TBC1D9: variants seen among roughly 807,000 people sequenced by gnomAD.
TBC1D9 encodes TBC1 domain family member 9A.
TBC1D9 carries 63 observed loss-of-function variants against 132.0 expected under a neutral mutation model. That is an observed-to-expected ratio of 0.48 (90% CI 0.39 to 0.59). The LOEUF (loss-of-function observed/expected upper bound fraction) is 0.59, where lower values mean the gene tolerates loss of function less well. Among genes scored for constraint, TBC1D9 ranks in the 20% least tolerant of loss-of-function variants. TBC1D9 has a pLI of 0.00. For synonymous variants in TBC1D9, 610 were observed against 609.9 expected (o/e 1.00, Z 0.00); for missense variants, 1,261 against 1,592.7 (o/e 0.79, Z 3.54).
intron 17 of TBC1D9, 30 bp from the exon 18 acceptor site, chr4:140,627,557 AT>A: frequency 1.5e-6 from 2 of 1,347,372 alleles, no homozygotes. Context: ...TAGTTCTCAT[AT>A]TGGTAGGGCC....
intron 15 of TBC1D9, among the ~76,000 whole-genome samples, chr4:140,638,490 C>A (rs1736913913): frequency 6.9e-6 from 1 of 145,952 alleles, no homozygotes; most frequent in Non-Finnish European, 1.5e-5. Context: ...GGTGAAACCC[C>A]ATCTCTACTA....
intron 1 of TBC1D9, among the ~76,000 whole-genome samples, chr4:140,744,729 C>A (rs181194001): frequency 5.9e-5 from 9 of 151,864 alleles, no homozygotes; most frequent in Admixed American, 5.2e-4. Context: ...ACTAAAAATA[C>A]AAAATTAGCT....
intron 13 of TBC1D9, among the ~76,000 whole-genome samples, chr4:140,647,566 T>A (rs1183901545): frequency 6.6e-6 from 1 of 152,232 alleles, no homozygotes; most frequent in Non-Finnish European, 1.5e-5. Flanking sequence ...GTGTTGGAGA[T>A]AAAGTTCCAA....
At chr4:140,634,234 T>C in intron 15 of TBC1D9, 46 bp from the exon 16 acceptor site, 1 of 1,590,890 alleles carries the variant, frequency 6.3e-7, no homozygotes, top group Non-Finnish European at 8.5e-7. Flanking sequence ...TTGCAGCAAA[T>C]ACCAGAAAGA....
chr4:140,666,086 G>A (rs74288618), intron 9 of TBC1D9, among the ~76,000 whole-genome samples: 20,958 of 152,184 alleles, frequency 0.14, 1,641 homozygotes, highest in Non-Finnish European at 0.17. Context: ...AATGAACAGA[G>A]TATAGTATGT....
rs748189313 is a variant in TBC1D9 at position 140,756,069 on chromosome 4, G to A, written c.-24C>T. On this transcript the variant is annotated 5_prime_UTR_variant, in exon 1 of 21. Transcript: ENST00000442267. This position sits in a 1 kb window ranked among gnomAD's most constrained non-coding sequence, Gnocchi z 5.6. ...ATGGTCCTGGCTGCCGCGGGCGGGC[G>A]CACAATGGGCCCGTGGGTCCAGTCC... 1.6e-5 allele frequency: 26 copies of A among 1,597,332 alleles called. No individual in the cohort carries two copies. The East Asian group carries it at 5.5e-4, about 34-fold the overall frequency.
intron 1 of TBC1D9, among the ~76,000 whole-genome samples, chr4:140,752,586 AGTGTTCACATT>A (rs1387675614): frequency 6.6e-6 from 1 of 152,080 alleles, no homozygotes; most frequent in Non-Finnish European, 1.5e-5. Flanking sequence ...TTGGTTGCCA[AGTGTTCACATT>A]GTAGTAGATC....
At chr4:140,740,688 C>T (rs1330807053) in intron 1 of TBC1D9, among the ~76,000 whole-genome samples, 8 of 152,190 alleles carry the variant, frequency 5.3e-5, no homozygotes, top group Non-Finnish European at 1.2e-4. Context: ...TTTGGAAAAA[C>T]AGCCACAGAT....
chr4:140,686,564 A>T, intron 2 of TBC1D9, 102 bp from the exon 3 acceptor site: 1 of 714,546 alleles, frequency 1.4e-6, no homozygotes, highest in East Asian at 2.6e-5. Context: ...AAAGGAGACT[A>T]TCGGACCAAG....
chr4:140,673,964 C>G (rs1366705573), intron 6 of TBC1D9, among the ~76,000 whole-genome samples: 1 of 152,124 alleles, frequency 6.6e-6, no homozygotes, highest in African/African-American at 2.4e-5. Flanking sequence ...GCTTCCAGAC[C>G]CTCTCTGCTC....
chr4:140,714,581 C>A (rs957099575), intron 1 of TBC1D9, among the ~76,000 whole-genome samples: 15 of 152,138 alleles, frequency 9.9e-5, no homozygotes, highest in African/African-American at 3.6e-4. Flanking sequence ...CAACAGACAG[C>A]AAATGTTTTC....
chr4:140,697,729 A>G (rs995882127), intron 2 of TBC1D9, among the ~76,000 whole-genome samples: 2 of 152,226 alleles, frequency 1.3e-5, no homozygotes, highest in Admixed American at 1.3e-4. Flanking sequence ...TAGCAATACC[A>G]TGGCAAAGCC....
At chr4:140,729,976 T>C (rs1352422741) in intron 1 of TBC1D9, among the ~76,000 whole-genome samples, 1 of 152,088 alleles carries the variant, frequency 6.6e-6, no homozygotes, top group Non-Finnish European at 1.5e-5. Context: ...TCCAGGTATT[T>C]TGTTGTGGCT....
intron 13 of TBC1D9, among the ~76,000 whole-genome samples, chr4:140,645,801 C>T (rs535948797): frequency 5.3e-5 from 8 of 152,288 alleles, no homozygotes; most frequent in African/African-American, 1.9e-4. Flanking sequence ...ATGCAGGCTC[C>T]CTGCCAGCCA....
chr4:140,625,287 T>G (rs1415988284), intron 18 of TBC1D9, among the ~76,000 whole-genome samples: 1 of 152,174 alleles, frequency 6.6e-6, no homozygotes, highest in Non-Finnish European at 1.5e-5. Context: ...TGCTAAAATG[T>G]TACATGCTAT....
chr4:140,690,745 T>C (rs1027562381), intron 2 of TBC1D9, among the ~76,000 whole-genome samples: 1 of 152,152 alleles, frequency 6.6e-6, no homozygotes, highest in East Asian at 1.9e-4. Flanking sequence ...CTGGATTCTA[T>C]GACCAGTATA....
intron 13 of TBC1D9, chr4:140,643,403 C>CAGGGTGTTT (rs1314416246): frequency 3.1e-6 from 3 of 969,484 alleles, no homozygotes; most frequent in African/African-American, 8.2e-5. Context: ...TGGCCACCTC[C>CAGGGTGTTT]ATGCCAGCCA....
At chr4:140,644,767 T>C in intron 13 of TBC1D9, 1 of 402,174 alleles carries the variant, frequency 2.5e-6, no homozygotes, top group Non-Finnish European at 4.9e-6. Context: ...GCCTGGAGAG[T>C]ACAGGGCGGG....
At chr4:140,652,202 C>G (rs1737197050) in intron 13 of TBC1D9, among the ~76,000 whole-genome samples, 1 of 149,408 alleles carries the variant, frequency 6.7e-6, no homozygotes, top group African/African-American at 2.5e-5. Flanking sequence ...GATCAAGCCA[C>G]TATACTCCAG....
Sources: allele counts gnomAD v4.1 joint callset (sites outside exome capture counted in the v4.1 genomes callset), GRCh38; gene constraint gnomAD v4.1.1; non-coding constraint Gnocchi (gnomAD v3.1); transcripts MANE v1.5; gene names NCBI Gene and HGNC (gene_info 2026-07-23, HGNC 2026-07-21).